GRIK3: variants seen among roughly 807,000 people sequenced by gnomAD.
GRIK3 encodes glutamate receptor ionotropic, kainate 3.
In GRIK3, 29 loss-of-function variants were observed where a neutral mutation model predicts 102.5. The observed-to-expected ratio is 0.28, with a 90% confidence interval of 0.21 to 0.39. GRIK3 has a LOEUF of 0.39. GRIK3 is among the 10% of genes least tolerant of loss of function. The pLI is 1.00. For synonymous variants in GRIK3, 511 were observed against 504.9 expected (o/e 1.01, Z -0.16); for missense variants, 908 against 1,252.4 (o/e 0.73, Z 4.15).
chr1:37,007,614 G>A lies in GRIK3; in HGVS notation c.115+26380C>T, dbSNP rs183010835. Among the ~76,000 whole-genome samples the A allele has an allele frequency of 2.7e-3, 416 of 152,324 alleles. 1 individual carries two copies. Among genetic ancestry groups the A allele is most frequent in the African/African-American group, 9.5e-3 (394 of 41,578 alleles). On this transcript the variant is annotated intron_variant, in intron 1 of 15. Transcript: ENST00000373091. ...TCCTTGGGAAATTCCAGATGAGGAC[G>A]CACAAACGCTCCCGCACTATGTGCC...
chr1:37,015,447 G>C (rs150032110), intron 1 of GRIK3, among the ~76,000 whole-genome samples: 154 of 152,260 alleles, frequency 1.0e-3, no homozygotes, highest in Non-Finnish European at 1.1e-3. Context: ...GGCTCCAAAG[G>C]GCTGGCAGAA....
Position 36,859,859 on chromosome 1 carries a change from C to T in GRIK3, c.945G>A (p.Leu315=). The change falls in exon 6 of 16, where the codon CTG becomes CTA. Residue 315 remains leucine (L), a synonymous_variant. Coordinates refer to ENST00000373091, the MANE Select transcript of GRIK3 (RefSeq NM_000831.4). ...QAAPRSESGL[L]DGVMMTDAAL... ...GCCGCCTTACCATCATCACTCCATC[C>T]AGCAGGCCAGACTCGGACCGGGGAG... The T allele has an allele frequency of 6.2e-7, 1 of 1,613,866 alleles. No individual in the cohort carries two copies.
Position 36,832,199 on chromosome 1 carries a change from G to A in GRIK3, c.1531-6373C>T, listed in dbSNP as rs372220705. ...CCACCCCCTCAGACCACGAGCTCAG[G>A]AGAGTGAGGCCGGAGCCTGTCACCT... On this transcript the variant is annotated intron_variant, in intron 10 of 15. Transcript: ENST00000373091. Among the ~76,000 whole-genome samples the A allele has an allele frequency of 1.7e-3, 256 of 152,330 alleles. 2 individuals carry two copies. The highest frequency in any genetic ancestry group is 5.9e-3 in the African/African-American group (246 of 41,578).
rs531938205 is a variant in GRIK3 at position 36,973,567 on chromosome 1, G to A, written c.115+60427C>T. On this transcript the variant is annotated intron_variant, in intron 1 of 15. Coordinates refer to ENST00000373091, the MANE Select transcript of GRIK3 (RefSeq NM_000831.4). ...CCCTAGTATCTGGGACTACAGGCAT[G>A]CGCCACCACGCCCGGCTAATTTTTT... 5.3e-5 allele frequency among the ~76,000 whole-genome samples: 8 copies of A among 150,336 alleles called. No homozygotes were observed. In the East Asian group the frequency reaches 1.4e-3, roughly 26 times the overall value.
rs547506021 is a variant in GRIK3, at chr1:36,909,659, A to G, written c.116-18563T>C. Among the ~76,000 whole-genome samples the G allele has an allele frequency of 2.6e-5, 4 of 151,966 alleles. No individual in the cohort carries two copies. The East Asian group carries it at 5.8e-4, about 22-fold the overall frequency. ...AACCCATTTGCATCACTGGGCTCTG[A>G]AAGACTTGATGTCACAGCTTCTGAG... On this transcript the variant is annotated intron_variant, in intron 1 of 15. Transcript: ENST00000373091.
At chr1:36,842,378 T>G (rs1047402311) in intron 9 of GRIK3, among the ~76,000 whole-genome samples, 1 of 152,306 alleles carries the variant, frequency 6.6e-6, no homozygotes, top group South Asian at 2.1e-4. Flanking sequence ...AACCGGAAAC[T>G]CTGGGGAGAG....
intron 1 of GRIK3, among the ~76,000 whole-genome samples, chr1:36,901,168 T>C (rs1641229148): frequency 6.6e-6 from 1 of 152,186 alleles, no homozygotes; most frequent in South Asian, 2.1e-4. Flanking sequence ...AGAGGACTAT[T>C]TCTTAACTCA....
chr1:36,982,351 C>T (rs12131506), intron 1 of GRIK3, among the ~76,000 whole-genome samples: 21,148 of 152,156 alleles, frequency 0.14, 2,006 homozygotes, highest in African/African-American at 0.27. Flanking sequence ...CTGGAGGAGG[C>T]GGCCCTGCTT....
At chr1:36,894,417 ATTGTT>A (rs1423256428) in intron 1 of GRIK3, among the ~76,000 whole-genome samples, 3 of 152,084 alleles carry the variant, frequency 2.0e-5, no homozygotes, top group African/African-American at 7.2e-5. Context: ...GGGTATTTGG[ATTGTT>A]TTAATTGTTT....
At chr1:36,920,275 C>T (rs567286663) in intron 1 of GRIK3, among the ~76,000 whole-genome samples, 1 of 152,204 alleles carries the variant, frequency 6.6e-6, no homozygotes, top group African/African-American at 2.4e-5. Context: ...AGCTGTTACT[C>T]AACCCCTCTG....
At chr1:36,998,427 G>A (rs1642441767) in intron 1 of GRIK3, among the ~76,000 whole-genome samples, 1 of 152,224 alleles carries the variant, frequency 6.6e-6, no homozygotes, top group Non-Finnish European at 1.5e-5. Context: ...ACAAGAGACA[G>A]CCCATGTCTA....
chr1:36,861,729 T>C (rs1210745470), intron 5 of GRIK3, among the ~76,000 whole-genome samples: 1 of 152,090 alleles, frequency 6.6e-6, no homozygotes, highest in Non-Finnish European at 1.5e-5. Context: ...TCTTCAATGA[T>C]TTGGGGAGTA....
intron 10 of GRIK3, among the ~76,000 whole-genome samples, chr1:36,838,537 C>T (rs551109406): frequency 2.6e-5 from 4 of 152,058 alleles, no homozygotes; most frequent in Non-Finnish European, 4.4e-5. Context: ...CAGCAGAAGG[C>T]GATGCATCCT....
chr1:36,971,471 G>T (rs72670045), intron 1 of GRIK3, among the ~76,000 whole-genome samples: 2 of 152,180 alleles, frequency 1.3e-5, no homozygotes, highest in African/African-American at 4.8e-5. Context: ...CTGAGGGCCT[G>T]CTAATTCCCT....
At chr1:36,851,778 A>G (rs542010976) in intron 8 of GRIK3, among the ~76,000 whole-genome samples, 1 of 152,342 alleles carries the variant, frequency 6.6e-6, no homozygotes, top group African/African-American at 2.4e-5. Context: ...AGTATTAGCT[A>G]CGGCCAATTT....
chr1:36,882,799 G>C (rs1048378543), intron 2 of GRIK3, among the ~76,000 whole-genome samples: 1 of 152,232 alleles, frequency 6.6e-6, no homozygotes, highest in African/African-American at 2.4e-5. Context: ...TAGTCAGTGT[G>C]GGTTGAGCAG....
rs1640925973 is a variant in GRIK3 at position 36,877,745 on chromosome 1, C to T, written c.550+2889G>A. ...CACCTGTAATTCCCTCATGATTCCTCTCCTCATTCATCTATCCTCTCCTCA... is the reference window on the plus strand; with the variant it reads ...CACCTGTAATTCCCTCATGATTCCTTTCCTCATTCATCTATCCTCTCCTCA... On this transcript the variant is annotated intron_variant, in intron 3 of 15. Coordinates refer to ENST00000373091, the MANE Select transcript of GRIK3 (RefSeq NM_000831.4). Among the ~76,000 whole-genome samples, 3 of 152,174 alleles carry T rather than the reference C, an allele frequency of 2.0e-5. No individual in the cohort carries two copies. In the South Asian group the frequency reaches 6.2e-4, roughly 32 times the overall value.
chr1:36,860,846 A>T (rs1640715585), intron 5 of GRIK3, among the ~76,000 whole-genome samples: 1 of 152,234 alleles, frequency 6.6e-6, no homozygotes, highest in Admixed American at 6.5e-5. Context: ...CCTGGAAATC[A>T]GGCAGAAGGG....
At chr1:36,994,129 G>A (rs1280377968) in intron 1 of GRIK3, among the ~76,000 whole-genome samples, 1 of 152,176 alleles carries the variant, frequency 6.6e-6, no homozygotes, top group Non-Finnish European at 1.5e-5. Context: ...AGGATTCCAC[G>A]CATGGTCCAG....
Sources: allele counts gnomAD v4.1 joint callset (sites outside exome capture counted in the v4.1 genomes callset), GRCh38; gene constraint gnomAD v4.1.1; transcripts MANE v1.5; gene names NCBI Gene and HGNC (gene_info 2026-07-23, HGNC 2026-07-21).